Variants in ZCCHC14 observed in about 807,000 individuals in gnomAD.
ZCCHC14 encodes zinc finger CCHC domain-containing protein 14.
In ZCCHC14, 16 loss-of-function variants were observed where a neutral mutation model predicts 85.0. The ratio of observed to expected loss-of-function variants is 0.19; its 90% CI spans 0.13 to 0.29. ZCCHC14 has a LOEUF of 0.29. ZCCHC14 is among the 10% of genes least tolerant of loss of function. The pLI is 1.00. For missense variants in ZCCHC14, 1,303 were observed against 1,443.5 expected (o/e 0.90, Z 1.58); for synonymous variants, 775 against 630.7 (o/e 1.23, Z -3.43).
At chr16:87,446,814 G>A (rs913632879) in intron 2 of ZCCHC14, among the ~76,000 whole-genome samples, 1 of 151,902 alleles carries the variant, frequency 6.6e-6, no homozygotes, top group Non-Finnish European at 1.5e-5. Context: ...CTCCCGAGTC[G>A]CTGGGATTAC....
chr16:87,414,276 C>A, intron 10 of ZCCHC14, 138 bp downstream of exon 10: 1 of 1,344,130 alleles, frequency 7.4e-7, no homozygotes, highest in Non-Finnish European at 1.0e-6. Flanking sequence ...ACCTGCCCGG[C>A]ACACGGGCCC....
At chr16:87,478,318 T>C (rs532046295) in intron 1 of ZCCHC14, among the ~76,000 whole-genome samples, 5 of 152,178 alleles carry the variant, frequency 3.3e-5, no homozygotes, top group Non-Finnish European at 7.4e-5. Context: ...AAGAATTCCA[T>C]GATTCTGCTT....
At chr16:87,449,813 G>C (rs535573012) in intron 2 of ZCCHC14, among the ~76,000 whole-genome samples, 1 of 152,312 alleles carries the variant, frequency 6.6e-6, no homozygotes, top group African/African-American at 2.4e-5. Context: ...GGGAGGCCGA[G>C]GTGGGTGGAT....
chr16:87,426,970 G>A (rs1353974672), intron 3 of ZCCHC14, among the ~76,000 whole-genome samples: 1 of 152,250 alleles, frequency 6.6e-6, no homozygotes, highest in African/African-American at 2.4e-5. Flanking sequence ...AGACGAGGCA[G>A]CCGTCCACAG....
intron 1 of ZCCHC14, among the ~76,000 whole-genome samples, chr16:87,469,060 T>C (rs1246383392): frequency 6.6e-6 from 1 of 152,180 alleles, no homozygotes; most frequent in Non-Finnish European, 1.5e-5. Flanking sequence ...CCATGGAGAA[T>C]AAAAGAACAA....
intron 3 of ZCCHC14, among the ~76,000 whole-genome samples, chr16:87,426,877 T>C (rs1199879319): frequency 6.6e-6 from 1 of 152,108 alleles, no homozygotes; most frequent in Non-Finnish European, 1.5e-5. Flanking sequence ...CAGGATGCTA[T>C]GAAAAAACAA....
intron 2 of ZCCHC14, among the ~76,000 whole-genome samples, chr16:87,451,337 C>G (rs1326583271): frequency 6.6e-6 from 1 of 151,906 alleles, no homozygotes; most frequent in African/African-American, 2.4e-5. Flanking sequence ...CCTGATATTA[C>G]AGGCACGTGG....
Position 87,448,910 on chromosome 16 carries a change from C to G in ZCCHC14, c.694+11098G>C, listed in dbSNP as rs138284526. Among the ~76,000 whole-genome samples the G allele has an allele frequency of 2.3e-3, 354 of 152,328 alleles. 3 individuals are homozygous for G. The highest frequency in any genetic ancestry group is 8.1e-3 in the African/African-American group (336 of 41,568). On this transcript the variant is annotated intron_variant, in intron 2 of 12. Transcript: ENST00000671377. ...CTTACGGTAGTGTAGACTTTCCTATCCTTGAATTTGGAGCTGTGGCCATAA... is the reference window on the plus strand; with the variant it reads ...CTTACGGTAGTGTAGACTTTCCTATGCTTGAATTTGGAGCTGTGGCCATAA...
At chr16:87,442,123 G>C (rs892187566) in intron 2 of ZCCHC14, among the ~76,000 whole-genome samples, 1 of 152,210 alleles carries the variant, frequency 6.6e-6, no homozygotes. Flanking sequence ...CCGTGGCGTT[G>C]TGGGTGCGTT....
At chr16:87,465,614 G>C (rs1911483304) in intron 1 of ZCCHC14, among the ~76,000 whole-genome samples, 1 of 152,204 alleles carries the variant, frequency 6.6e-6, no homozygotes, top group African/African-American at 2.4e-5. Context: ...TACTGTTACA[G>C]TTTAAAGAGA....
At chr16:87,451,187 A>G (rs1910682741) in intron 2 of ZCCHC14, among the ~76,000 whole-genome samples, 2 of 140,648 alleles carry the variant, frequency 1.4e-5, no homozygotes, top group African/African-American at 5.3e-5. Flanking sequence ...GGCGTGAGAC[A>G]TGGCGCCCAG....
In ZCCHC14 at chr16:87,413,188, C is replaced by A; in HGVS notation, c.1611G>T (p.Arg537=). The A allele has an allele frequency of 6.4e-7, 1 of 1,566,750 alleles. No individual in the cohort carries two copies. Among genetic ancestry groups the A allele is most frequent in the Non-Finnish European group, 8.6e-7 (1 of 1,157,284 alleles). ...GGTGATGGGGCTGCTCCACTTCCAC[C>A]CGCAGCTCTGCAGAAAAGGGACAGA... ...SGRGSHAAEL[R]VEVEQPHHQL... Residue 537 remains arginine (R), a synonymous_variant, in exon 11 of 13, where the codon CGG becomes CGT. Transcript: ENST00000671377.
chr16:87,407,246 A>G lies in ZCCHC14; in HGVS notation c.*3034T>C, dbSNP rs1319261445. On this transcript the variant is annotated 3_prime_UTR_variant, in exon 13 of 13. Transcript: ENST00000671377. ...TAGAATTCTAAGTACTGAATTAAAA[A>G]TACAGAACCTACTAACACTACTGTA... 1.3e-5 allele frequency: 2 copies of G among 152,280 alleles called. No individual in the cohort carries two copies. The highest frequency in any genetic ancestry group is 2.9e-5 in the Non-Finnish European group (2 of 68,046). 9.4% of individuals were successfully genotyped at this position (152,280 alleles called of 1,614,324 possible).
intron 1 of ZCCHC14, among the ~76,000 whole-genome samples, chr16:87,487,458 C>T (rs978521003): frequency 6.6e-6 from 1 of 152,198 alleles, no homozygotes; most frequent in Non-Finnish European, 1.5e-5. Flanking sequence ...ACCAAATGCA[C>T]CAGCCCGGAG....
At position 87,409,611 on chromosome 16, in the gene ZCCHC14, T is replaced by A. The variant is rs1321451828; in HGVS notation, c.*669A>T. The stretch of plus-strand genomic sequence containing the variant: ...ATTAAAAACCTGAAACTGCTACAAG[T>A]GCTTGGAGGAGGGAAGGAAATACTA... On this transcript the variant is annotated 3_prime_UTR_variant, in exon 13 of 13. Transcript: ENST00000671377. 6.6e-6 allele frequency: 1 copy of A among 152,614 alleles called. No individual in the cohort carries two copies. Among genetic ancestry groups the A allele is most frequent in the African/African-American group, 2.4e-5 (1 of 41,456 alleles). 9.5% of individuals were successfully genotyped at this position (152,614 alleles called of 1,614,324 possible).
chr16:87,487,973 A>AG (rs1912590597), intron 1 of ZCCHC14, among the ~76,000 whole-genome samples: 2 of 120,970 alleles, frequency 1.7e-5, no homozygotes, highest in Non-Finnish European at 3.5e-5. Context: ...GGTTGGGGGG[A>AG]GGGGGAATGG....
chr16:87,451,357 C>T (rs1170618360), intron 2 of ZCCHC14, among the ~76,000 whole-genome samples: 1 of 151,816 alleles, frequency 6.6e-6, no homozygotes, highest in African/African-American at 2.4e-5. Context: ...GCTACCACAC[C>T]CAGCTAATCT....
At chr16:87,480,042 T>A (rs1294177841) in intron 1 of ZCCHC14, among the ~76,000 whole-genome samples, 1 of 151,994 alleles carries the variant, frequency 6.6e-6, no homozygotes, top group Non-Finnish European at 1.5e-5. Context: ...CCCAAAGTGC[T>A]GGGGTTACAG....
rs767751772 is a variant in ZCCHC14, at chr16:87,412,781, A to C, written c.1940T>G (p.Leu647Arg). 3.1e-6 allele frequency: 5 copies of C among 1,613,746 alleles called. No homozygotes were observed. In the East Asian group the frequency reaches 1.1e-4, roughly 36 times the overall value. The change falls in exon 12 of 13, where the codon CTG becomes CGG. Residue 647 changes from leucine to arginine, a missense_variant. Coordinates refer to ENST00000671377, the MANE Select transcript of ZCCHC14 (RefSeq NM_015144.3). ...TCTTTCCGGCTTGTGCACGGAATTCAGCATGCGGATGGGTGTGATGTGTGA... is the reference window on the plus strand; with the variant it reads ...TCTTTCCGGCTTGTGCACGGAATTCCGCATGCGGATGGGTGTGATGTGTGA... Reference protein sequence around the residue: ...AASHITPIRMLNSVHKPERGS... With the variant: ...AASHITPIRMRNSVHKPERGS...
Sources: allele counts gnomAD v4.1 joint callset (sites outside exome capture counted in the v4.1 genomes callset), GRCh38; gene constraint gnomAD v4.1.1; transcripts MANE v1.5; gene names NCBI Gene and HGNC (gene_info 2026-07-23, HGNC 2026-07-21).